Variants in TENM3 observed in about 807,000 individuals in gnomAD.
TENM3 encodes teneurin transmembrane protein 3.
Under a neutral mutation model 255.1 loss-of-function variants are expected in TENM3, and 63 were observed. The observed-to-expected ratio is 0.25, with a 90% CI of 0.20 to 0.30. The LOEUF (loss-of-function observed/expected upper bound fraction) is 0.30, where lower values mean the gene tolerates loss of function less well. TENM3 is among the 10% of genes least tolerant of loss of function. The pLI, the probability that TENM3 is intolerant of heterozygous loss-of-function variation, is 1.00. For synonymous variants in TENM3, 1,306 were observed against 1,322.3 expected (o/e 0.99, Z 0.27); for missense variants, 2,929 against 3,461.1 (o/e 0.85, Z 3.86).
At chr4:182,277,760 T>C (rs564276750) in intron 1 of TENM3, among the ~76,000 whole-genome samples, 4 of 152,222 alleles carry the variant, frequency 2.6e-5, no homozygotes, top group Non-Finnish European at 5.9e-5. Flanking sequence ...CACTACTTTT[T>C]TCTTTATTTT....
chr4:182,486,266 A>G, intron 3 of TENM3, among the ~76,000 whole-genome samples: 1 of 113,832 alleles, frequency 8.8e-6, no homozygotes, highest in Non-Finnish European at 1.6e-5. Flanking sequence ...AAAAAGAAAA[A>G]GGTTCTACTT....
rs2019984 is a variant in TENM3, at chr4:182,437,760, C to G, written c.511+90831C>G. ...TTGCAGTGAGGTGAGATCGCACCAC[C>G]GCACTTCAGCCTGGATGACAGAGCG... On this transcript the variant is annotated intron_variant, in intron 3 of 27. Coordinates refer to ENST00000511685, the MANE Select transcript of TENM3 (RefSeq NM_001080477.4). 3.8e-4 allele frequency among the ~76,000 whole-genome samples: 57 copies of G among 150,692 alleles called. No individual in the cohort carries two copies. In the East Asian group the frequency reaches 8.4e-3, roughly 22 times the overall value.
At chr4:182,658,082 C>T (rs1228978335) in intron 6 of TENM3, among the ~76,000 whole-genome samples, 1 of 152,220 alleles carries the variant, frequency 6.6e-6, no homozygotes, top group East Asian at 1.9e-4. Context: ...ACCTTCACCA[C>T]ACACTCATAC....
At chr4:181,846,697 A>T in the TENM3 span, among the ~76,000 whole-genome samples, 2 of 152,114 alleles carry the variant, frequency 1.3e-5, no homozygotes, top group African/African-American at 4.8e-5. Context: ...TGATTCCCTG[A>T]ACAAATATTT....
the TENM3 span, among the ~76,000 whole-genome samples, chr4:181,647,057 G>A: frequency 5.9e-5 from 9 of 152,276 alleles, no homozygotes; most frequent in African/African-American, 1.9e-4. Flanking sequence ...GATGCTGCCT[G>A]TAATGATGAC....
At chr4:182,562,492 G>A (rs1743301095) in intron 3 of TENM3, among the ~76,000 whole-genome samples, 1 of 152,096 alleles carries the variant, frequency 6.6e-6, no homozygotes, top group South Asian at 2.1e-4. Context: ...GACCCTTTCT[G>A]AACTCTGTTC....
chr4:182,052,527 C>G, the TENM3 span, among the ~76,000 whole-genome samples: 1 of 152,170 alleles, frequency 6.6e-6, no homozygotes, highest in Non-Finnish European at 1.5e-5. Context: ...TTAATGGCAG[C>G]AAGGTTGTAC....
the TENM3 span, among the ~76,000 whole-genome samples, chr4:181,625,101 G>T: frequency 6.6e-6 from 1 of 152,148 alleles, no homozygotes; most frequent in Non-Finnish European, 1.5e-5. Context: ...CTGTTCAAGG[G>T]TAGCGGAAAT....
At chr4:182,649,448 A>T (rs1434498432) in intron 5 of TENM3, among the ~76,000 whole-genome samples, 1 of 150,488 alleles carries the variant, frequency 6.6e-6, no homozygotes, top group African/African-American at 2.4e-5. Flanking sequence ...GAATCCAGGC[A>T]CTTTCACTAT....
intron 3 of TENM3, among the ~76,000 whole-genome samples, chr4:182,402,341 T>A (rs1769266969): frequency 6.6e-6 from 1 of 152,200 alleles, no homozygotes; most frequent in African/African-American, 2.4e-5. Flanking sequence ...GTGAATTCCC[T>A]CAGTGACTTT....
the TENM3 span, among the ~76,000 whole-genome samples, chr4:182,124,802 A>G: frequency 6.6e-6 from 1 of 152,238 alleles, no homozygotes; most frequent in Non-Finnish European, 1.5e-5. Context: ...GTCTGAATAT[A>G]TTACATAGAA....
the TENM3 span, among the ~76,000 whole-genome samples, chr4:181,857,223 GAGAAATGTTTGAGAATGAACAGAAGA>G: frequency 6.6e-6 from 1 of 152,084 alleles, no homozygotes; most frequent in East Asian, 1.9e-4. Context: ...CCTCATTGAA[GAGAAATGTTTGAGAATGAACAGAAGA>G]AACCAGCCAG....
At chr4:181,611,239 G>A in the TENM3 span, among the ~76,000 whole-genome samples, 1 of 152,194 alleles carries the variant, frequency 6.6e-6, no homozygotes, top group African/African-American at 2.4e-5. Context: ...ATCTTTGGAA[G>A]AATAATTATT....
chr4:182,727,461 A>AAAAAAAAAAG (rs1055948871), intron 13 of TENM3, among the ~76,000 whole-genome samples: 2 of 151,716 alleles, frequency 1.3e-5, no homozygotes, highest in South Asian at 4.2e-4. Context: ...GTCTCAAAAA[A>AAAAAAAAAAG]AAAGAAAGAA....
At chr4:182,327,570 T>C (rs753465567) in intron 2 of TENM3, among the ~76,000 whole-genome samples, 5 of 152,234 alleles carry the variant, frequency 3.3e-5, no homozygotes, top group Non-Finnish European at 7.3e-5. Context: ...GTTAATTACA[T>C]GTTATATTTA....
At chr4:181,972,432 T>A in the TENM3 span, among the ~76,000 whole-genome samples, 1 of 104,950 alleles carries the variant, frequency 9.5e-6, no homozygotes, top group Admixed American at 8.7e-5. Context: ...GAGACCTCCT[T>A]GTCCAAAAAA....
the TENM3 span, among the ~76,000 whole-genome samples, chr4:182,043,182 A>G: frequency 6.6e-6 from 1 of 152,188 alleles, no homozygotes; most frequent in Admixed American, 6.5e-5. Flanking sequence ...TTACATGCCC[A>G]GTGAGTAATT....
the TENM3 span, among the ~76,000 whole-genome samples, chr4:182,015,296 T>C: frequency 6.6e-6 from 1 of 152,178 alleles, no homozygotes; most frequent in East Asian, 1.9e-4. Flanking sequence ...GATTCAACTA[T>C]GTCTCACGGC....
intron 1 of TENM3, among the ~76,000 whole-genome samples, chr4:182,214,577 A>G (rs1383162000): frequency 6.6e-6 from 1 of 150,996 alleles, no homozygotes; most frequent in Non-Finnish European, 1.5e-5. Flanking sequence ...TGTTGCCCAG[A>G]CTGGTCTTCA....
Sources: allele counts gnomAD v4.1 joint callset (sites outside exome capture counted in the v4.1 genomes callset), GRCh38; gene constraint gnomAD v4.1.1; transcripts MANE v1.5; gene names NCBI Gene and HGNC (gene_info 2026-07-23, HGNC 2026-07-21).